TCF4: variants seen among roughly 807,000 people sequenced by gnomAD.
TCF4 encodes the protein transcription factor 4.
Under a neutral mutation model 82.1 loss-of-function variants are expected in TCF4, and 3 were observed. The ratio of observed to expected loss-of-function variants is 0.04; its 90% CI spans 0.02 to 0.09. TCF4 has a LOEUF of 0.09. TCF4 is among the 10% of genes least tolerant of loss of function. TCF4 has a pLI of 1.00. For synonymous variants in TCF4, 276 were observed against 309.6 expected (o/e 0.89, Z 1.14); for missense variants, 518 against 852.7 (o/e 0.61, Z 4.89).
chr18:55,349,327 G>A (rs1397227240), intron 8 of TCF4, among the ~76,000 whole-genome samples: 3 of 152,060 alleles, frequency 2.0e-5, no homozygotes, highest in Non-Finnish European at 4.4e-5. Flanking sequence ...ATACACAGGT[G>A]TTTGGGTTAA....
chr18:55,628,986 T>C (rs2097729146), intron 2 of TCF4, among the ~76,000 whole-genome samples: 1 of 152,230 alleles, frequency 6.6e-6, no homozygotes, highest in Non-Finnish European at 1.5e-5. Context: ...TAAATATTTC[T>C]TTATACATTT....
intron 3 of TCF4, among the ~76,000 whole-genome samples, chr18:55,489,360 ATC>A (rs1025999291): frequency 1.3e-4 from 20 of 152,054 alleles, no homozygotes; most frequent in African/African-American, 4.8e-4. Flanking sequence ...GTGAGCTGTA[ATC>A]TCTTTCAGGC....
Position 55,349,827 on chromosome 18 carries a change from C to A in TCF4, c.549+532G>T, listed in dbSNP as rs902761284. Reference sequence around the variant, plus strand: ...AGACCCAGAATGCTCTTGGTTACAGCTGACTACTTCTAGTTGTCACCTGGT... The same window carrying A: ...AGACCCAGAATGCTCTTGGTTACAGATGACTACTTCTAGTTGTCACCTGGT... On this transcript the variant is annotated intron_variant, in intron 8 of 19. Transcript: ENST00000354452. Among the ~76,000 whole-genome samples, 10 of 152,100 alleles carry A rather than the reference C, an allele frequency of 6.6e-5. 1 individual carries two copies. In the South Asian group the frequency reaches 2.1e-3, roughly 32 times the overall value.
chr18:55,528,529 AAGATATTCTAAC>A (rs1241779064), intron 3 of TCF4, among the ~76,000 whole-genome samples: 1 of 152,236 alleles, frequency 6.6e-6, no homozygotes, highest in Non-Finnish European at 1.5e-5. Flanking sequence ...TCTCGAGTCT[AAGATATTCTAAC>A]AGTATATTTT....
chr18:55,346,055 A>C (rs1047668909), intron 8 of TCF4, among the ~76,000 whole-genome samples: 3 of 152,166 alleles, frequency 2.0e-5, no homozygotes, highest in Non-Finnish European at 2.9e-5. Flanking sequence ...ATAGCTCAAG[A>C]TATGGATTCA....
At chr18:55,407,650 A>T (rs1044148093) in intron 5 of TCF4, among the ~76,000 whole-genome samples, 4 of 26,708 alleles carry the variant, frequency 1.5e-4, no homozygotes, top group African/African-American at 1.5e-3. Context: ...ACTTCCATAT[A>T]AAAAAAAAAA....
chr18:55,506,517 A>G (rs2081723650), intron 3 of TCF4, among the ~76,000 whole-genome samples: 1 of 152,168 alleles, frequency 6.6e-6, no homozygotes, highest in African/African-American at 2.4e-5. Flanking sequence ...GAAAACCATC[A>G]GCTAGGATAA....
intron 15 of TCF4, among the ~76,000 whole-genome samples, chr18:55,236,034 A>T (rs1316314639): frequency 6.6e-6 from 1 of 151,344 alleles, no homozygotes; most frequent in African/African-American, 2.4e-5. Context: ...TAAGTAATTG[A>T]TCCTGAAGTA....
intron 10 of TCF4, among the ~76,000 whole-genome samples, chr18:55,271,485 T>TA (rs1568592281): frequency 6.6e-6 from 1 of 152,100 alleles, no homozygotes; most frequent in Non-Finnish European, 1.5e-5. Flanking sequence ...TGAATCTACG[T>TA]ATTAGAGGTA....
intron 5 of TCF4, among the ~76,000 whole-genome samples, chr18:55,437,319 A>C (rs2095350042): frequency 6.6e-6 from 1 of 152,240 alleles, no homozygotes; most frequent in Non-Finnish European, 1.5e-5. Context: ...ACATTATTAT[A>C]GAAGCAAATC....
chr18:55,608,051 G>A (rs534538948), intron 2 of TCF4, among the ~76,000 whole-genome samples: 11 of 152,272 alleles, frequency 7.2e-5, no homozygotes, highest in African/African-American at 2.2e-4. Flanking sequence ...TGGAAGCTGC[G>A]TGCCACATGC....
At chr18:55,318,754 T>A (rs776618913) in intron 8 of TCF4, among the ~76,000 whole-genome samples, 1 of 152,092 alleles carries the variant, frequency 6.6e-6, no homozygotes, top group Non-Finnish European at 1.5e-5. Context: ...GTAAAAAAAT[T>A]CACGTTTTTT....
chr18:55,427,882 G>A (rs1374208725), intron 5 of TCF4, among the ~76,000 whole-genome samples: 1 of 152,164 alleles, frequency 6.6e-6, no homozygotes, highest in African/African-American at 2.4e-5. Context: ...ATGATTCTAA[G>A]ACTAAATACT....
At chr18:55,534,796 A>T (rs2097100894) in intron 3 of TCF4, among the ~76,000 whole-genome samples, 5 of 152,250 alleles carry the variant, frequency 3.3e-5, no homozygotes, top group Admixed American at 3.3e-4. Flanking sequence ...GCCTGTGAAC[A>T]TGTCAACAGA....
intron 6 of TCF4, chr18:55,384,013 G>C (rs981037484): frequency 6.6e-6 from 1 of 152,204 alleles, no homozygotes; most frequent in African/African-American, 2.4e-5. Flanking sequence ...TTCTGACAGA[G>C]AATCTCATGT....
At chr18:55,254,390 T>C in intron 15 of TCF4, 107 bp downstream of exon 15, 1 of 1,076,374 alleles carries the variant, frequency 9.3e-7, no homozygotes, top group Admixed American at 2.0e-5. Flanking sequence ...GTTAAGTGAA[T>C]TATATCTCAA....
At chr18:55,587,873 G>C (rs1205744599) in intron 1 of TCF4, among the ~76,000 whole-genome samples, 165 bp downstream of exon 1, 1 of 148,290 alleles carries the variant, frequency 6.7e-6, no homozygotes, top group Non-Finnish European at 1.5e-5. Context: ...CTGGCGGCGA[G>C]GGGGAGGGAA....
intron 3 of TCF4, among the ~76,000 whole-genome samples, chr18:55,509,643 A>G (rs2096802857): frequency 6.6e-6 from 1 of 152,172 alleles, no homozygotes; most frequent in African/African-American, 2.4e-5. Context: ...GATTCCCCCA[A>G]ATCTCATCCC....
intron 3 of TCF4, among the ~76,000 whole-genome samples, chr18:55,569,403 G>A (rs1476260940): frequency 1.2e-4 from 18 of 152,106 alleles, no homozygotes; most frequent in Non-Finnish European, 2.9e-5. Flanking sequence ...TTGAATGCCA[G>A]GTGTGGTGCC....
Sources: allele counts gnomAD v4.1 joint callset (sites outside exome capture counted in the v4.1 genomes callset), GRCh38; gene constraint gnomAD v4.1.1; transcripts MANE v1.5; gene names NCBI Gene and HGNC (gene_info 2026-07-23, HGNC 2026-07-21).